Variants in MAMDC4 observed in about 807,000 individuals in gnomAD.
The protein encoded by MAMDC4 is apical endosomal glycoprotein.
MAMDC4 carries 168 observed loss-of-function variants against 153.3 expected under a neutral mutation model. The observed-to-expected ratio is 1.10, with a 90% CI of 0.97 to 1.25. The LOEUF (loss-of-function observed/expected upper bound fraction) is 1.25, where lower values mean the gene tolerates loss of function less well. Ranked by LOEUF, MAMDC4 falls within the 50% of genes most tolerant of loss-of-function variation. The pLI is 0.00. For synonymous variants in MAMDC4, 744 were observed against 651.5 expected (o/e 1.14, Z -2.16); for missense variants, 1,701 against 1,542.8 (o/e 1.10, Z -1.72).
At position 136,852,385 on chromosome 9, in the gene MAMDC4, T is replaced by C. The variant is rs1409135699; in HGVS notation, c.-32T>C. ...ACCGCACGGAACTTCCCAGGCACCC[T>C]GTGTGGCCGCACTGCTCCCTCTGGC... On this transcript the variant is annotated 5_prime_UTR_variant, in exon 1 of 27. Transcript: ENST00000317446. 2 of 1,607,134 alleles carry C rather than the reference T, an allele frequency of 1.2e-6. No individual in the cohort carries two copies. Among genetic ancestry groups the C allele is most frequent in the Admixed American group, 1.7e-5 (1 of 60,028 alleles).
chr9:136,854,245 C>G lies in MAMDC4; in HGVS notation c.705C>G (p.His235Gln), dbSNP rs752643727. 1 of 1,612,014 alleles carries G rather than the reference C, an allele frequency of 6.2e-7. No homozygotes were observed. Among genetic ancestry groups the G allele is most frequent in the East Asian group, 2.2e-5 (1 of 44,876 alleles). Reference sequence around the variant, plus strand: ...CCAACTGTCCCCCGGGACACCACCACTGCCAGAACAAGGTCTGCGTGGAGC... The same window carrying G: ...CCAACTGTCCCCCGGGACACCACCAGTGCCAGAACAAGGTCTGCGTGGAGC... Reference protein sequence around the residue: ...PQANCPPGHHHCQNKVCVEPQ... With the variant: ...PQANCPPGHHQCQNKVCVEPQ... The change falls in exon 7 of 27, where the codon CAC becomes CAG. Residue 235 changes from histidine to glutamine, a missense_variant. Physicochemically the swap from His to Gln is conservative, Grantham distance 24 (BLOSUM62 0). Coordinates refer to ENST00000317446, the MANE Select transcript of MAMDC4 (RefSeq NM_206920.3).
chr9:136,859,396 T>C (rs1336855615), intron 25 of MAMDC4, 79 bp downstream of exon 25: 2 of 1,298,552 alleles, frequency 1.5e-6, no homozygotes, highest in East Asian at 2.4e-5. Flanking sequence ...GGCTTACCAG[T>C]GTGTGGTCCC....
Position 136,855,518 on chromosome 9 carries a change from G to T in MAMDC4, c.1370G>T (p.Cys457Phe). 6.3e-7 allele frequency: 1 copy of T among 1,592,984 alleles called. No individual in the cohort carries two copies. Among genetic ancestry groups the T allele is most frequent in the Non-Finnish European group, 8.5e-7 (1 of 1,170,070 alleles). The change falls in exon 12 of 27, where the codon TGC becomes TTC. Residue 457 changes from cysteine to phenylalanine, a missense_variant. Coordinates refer to ENST00000317446, the MANE Select transcript of MAMDC4 (RefSeq NM_206920.3). ...CCCAGCTCGCGGCTCCAGGATTCCT[G>T]CAAGCAGGGGCATCTTGCCTGCGGG... ...LPPSSRLQDS[C>F]KQGHLACGDL...
intron 10 of MAMDC4, 32 bp downstream of exon 10, chr9:136,855,142 AG>A: frequency 1.9e-6 from 3 of 1,564,556 alleles, no homozygotes; most frequent in Admixed American, 1.9e-5. Flanking sequence ...GGGTCTGGGG[AG>A]CCGCACTGTG....
intron 7 of MAMDC4, 65 bp from the exon 8 acceptor site, chr9:136,854,474 G>A: frequency 6.5e-7 from 1 of 1,546,942 alleles, no homozygotes; most frequent in South Asian, 1.2e-5. Context: ...CCCCCCTGGA[G>A]CTGGGGCCAT....
Position 136,857,773 on chromosome 9 carries a change from AC to A in MAMDC4, c.2443del (p.His815ThrfsTer176). The A allele has an allele frequency of 6.2e-7, 1 of 1,612,492 alleles. No individual in the cohort carries two copies. The highest frequency in any genetic ancestry group is 8.5e-7 in the Non-Finnish European group (1 of 1,179,806). The stretch of plus-strand genomic sequence containing the variant: ...CAGCCTGCTTGTCTGACCTTCTGGT[AC>A]CACGGGAGCCTCCGCAGCCCAGGTG... ...LAQPACLTFW[Y>X]HGSLRSPGTL... On this transcript the variant is annotated frameshift_variant, in exon 19 of 27. Coordinates refer to ENST00000317446, the MANE Select transcript of MAMDC4 (RefSeq NM_206920.3). LOFTEE classifies it high-confidence loss of function.
At position 136,859,874 on chromosome 9, in the gene MAMDC4, T is replaced by A; in HGVS notation, c.3194-12T>A. On this transcript the variant is annotated splice_polypyrimidine_tract_variant and intron_variant, in intron 25 of 26. Coordinates refer to ENST00000317446, the MANE Select transcript of MAMDC4 (RefSeq NM_206920.3). Reference sequence around the variant, plus strand: ...CTGCTTTGGAGGGCTCACATGTCCCTATGGCCCACAGGGAACACAGCCGCA... The same window carrying A: ...CTGCTTTGGAGGGCTCACATGTCCCAATGGCCCACAGGGAACACAGCCGCA... The A allele has an allele frequency of 6.2e-7, 1 of 1,611,130 alleles. No individual in the cohort carries two copies. The highest frequency in any genetic ancestry group is 8.5e-7 in the Non-Finnish European group (1 of 1,179,874).
In MAMDC4 at chr9:136,856,164, C is replaced by G. The variant is rs947233407; in HGVS notation, c.1720+15C>G. 22 of 1,611,728 alleles carry G rather than the reference C, an allele frequency of 1.4e-5. No homozygotes were observed. The highest frequency in any genetic ancestry group is 1.8e-5 in the Non-Finnish European group (21 of 1,179,348). On this transcript the variant is annotated intron_variant, in intron 14 of 26. Coordinates refer to ENST00000317446, the MANE Select transcript of MAMDC4 (RefSeq NM_206920.3). ...CCAGCCCCGAGGTACCGCCACACTCCGCAAGTTCCCTGGCCAGCCCCTGGG... is the reference window on the plus strand; with the variant it reads ...CCAGCCCCGAGGTACCGCCACACTCGGCAAGTTCCCTGGCCAGCCCCTGGG...
Position 136,858,151 on chromosome 9 carries a change from GACCCGCTGAGGCTGCCCTGCCCTGC to G in MAMDC4, c.2584-28_2584-4del, listed in dbSNP as rs750375043. The G allele has an allele frequency of 1.1e-4, 176 of 1,545,916 alleles. No individual in the cohort carries two copies. Among genetic ancestry groups the G allele is most frequent in the Non-Finnish European group, 1.5e-4 (174 of 1,148,552 alleles). On this transcript the variant is annotated splice_polypyrimidine_tract_variant and intron_variant, in intron 20 of 26. Transcript: ENST00000317446. ...CTCCCCCTCCCCCGAGGGCTGCCTG[GACCCGCTGAGGCTGCCCTGCCCTGC>G]ACCCGCCAGGTGGTGTTTGAGGCAG...
rs200179360 is a variant in MAMDC4 at position 136,855,450 on chromosome 9, G to A, written c.1302G>A (p.Pro434=). 2.9e-5 allele frequency: 47 copies of A among 1,608,948 alleles called. No individual in the cohort carries two copies. Among genetic ancestry groups the A allele is most frequent in the African/African-American group, 4.0e-5 (3 of 74,952 alleles). ...CCACAGAGGTGTCCACCCTGCAGCC[G>A]CTGCCTCCTGGGCCCCGGGCCCCAG... is the stretch of plus-strand genomic sequence containing the variant. The part of the protein sequence containing the change: ...RPVSEVSTLQ[P]LPPGPRAPAP... Residue 434 remains proline (P), a synonymous_variant, in exon 12 of 27, where the codon CCG becomes CCA. Coordinates refer to ENST00000317446, the MANE Select transcript of MAMDC4 (RefSeq NM_206920.3).
Position 136,852,385 on chromosome 9 carries a change from T to G in MAMDC4, c.-32T>G. ...ACCGCACGGAACTTCCCAGGCACCC[T>G]GTGTGGCCGCACTGCTCCCTCTGGC... On this transcript the variant is annotated 5_prime_UTR_variant, in exon 1 of 27. Coordinates refer to ENST00000317446, the MANE Select transcript of MAMDC4 (RefSeq NM_206920.3). The G allele has an allele frequency of 3.7e-6, 6 of 1,607,134 alleles. No individual in the cohort carries two copies. Among genetic ancestry groups the G allele is most frequent in the Non-Finnish European group, 5.1e-6 (6 of 1,179,804 alleles).
intron 7 of MAMDC4, 76 bp downstream of exon 7, chr9:136,854,412 AG>A: frequency 6.7e-7 from 1 of 1,493,700 alleles, no homozygotes; most frequent in Non-Finnish European, 9.0e-7. Context: ...CTCATCCAGG[AG>A]GGGGTGCCTT....
chr9:136,860,690 G>GGCTGGGA lies in MAMDC4; in HGVS notation c.*88_*94dup. 1 of 1,430,808 alleles carries GGCTGGGA rather than the reference G, an allele frequency of 7.0e-7. No homozygotes were observed. The highest frequency in any genetic ancestry group is 9.8e-7 in the Non-Finnish European group (1 of 1,020,988). 88.6% of individuals were successfully genotyped at this position (1,430,808 alleles called of 1,614,324 possible). A position where few individuals can be genotyped will look rare whatever the true frequency, so the allele number is the denominator to read the frequency against. On this transcript the variant is annotated 3_prime_UTR_variant, in exon 27 of 27. Transcript: ENST00000317446. ...AGGGACCGGACACCTGCCCCGCCCA[G>GGCTGGGA]GCTGGGACAGGCTGCAGGTCTCAGG...
intron 1 of MAMDC4, among the ~76,000 whole-genome samples, chr9:136,852,750 G>T (rs556460473): frequency 1.5e-4 from 23 of 152,314 alleles, no homozygotes; most frequent in African/African-American, 5.5e-4. Context: ...CCCTTGGACT[G>T]GGTGGAGCTT....
Position 136,859,065 on chromosome 9 carries a change from C to G in MAMDC4, c.3017C>G (p.Ala1006Gly). Residue 1006 changes from alanine (A) to glycine (G), a missense_variant, in exon 24 of 27, where the codon GCA becomes GGA. Physicochemically the swap from Ala to Gly is moderately conservative, Grantham distance 60. Transcript: ENST00000317446. ...SAQGQLAVWG[A>G]GGHRRHQWLE... ...CAGGGCCAGCTGGCTGTGTGGGGCGCAGGCGGGCATCGGCGGCACCAGTGG... is the reference window on the plus strand; with the variant it reads ...CAGGGCCAGCTGGCTGTGTGGGGCGGAGGCGGGCATCGGCGGCACCAGTGG... The G allele has an allele frequency of 6.4e-7, 1 of 1,557,384 alleles. No individual in the cohort carries two copies. The highest frequency in any genetic ancestry group is 1.2e-5 in the South Asian group (1 of 85,148).
Position 136,854,289 on chromosome 9 carries a change from G to A in MAMDC4, c.749G>A (p.Gly250Glu), listed in dbSNP as rs746607301. Residue 250 changes from glycine (G) to glutamate (E), a missense_variant, in exon 7 of 27, where the codon GGG (glycine) becomes GAG (glutamate). Gly to Glu is a moderately conservative substitution (Grantham distance 98). Transcript: ENST00000317446. ...GTGGAGCCCCAGCAGCTGTGCGACG[G>A]GGAAGACAACTGCGGGGACCTGTCT... ...VCVEPQQLCD[G>E]EDNCGDLSDE... 6.2e-7 allele frequency: 1 copy of A among 1,605,374 alleles called. No individual in the cohort carries two copies.
Position 136,859,025 on chromosome 9 carries a change from C to CT in MAMDC4, c.2978dup (p.Leu994AlafsTer39). ...CTCAGACAAGGGGGAGCTGAAGGTA[C>CT]TGCTGCACAGTGCTCAGGGCCAGCT... On this transcript the variant is annotated frameshift_variant, in exon 24 of 27. Transcript: ENST00000317446. LOFTEE classifies it high-confidence loss of function. The CT allele has an allele frequency of 6.5e-7, 1 of 1,547,160 alleles. No homozygotes were observed. The highest frequency in any genetic ancestry group is 8.7e-7 in the Non-Finnish European group (1 of 1,144,858).
In MAMDC4 at chr9:136,856,703, C is replaced by A. The variant is rs749279056; in HGVS notation, c.1721-7C>A. On this transcript the variant is annotated splice_region_variant and splice_polypyrimidine_tract_variant and intron_variant, in intron 14 of 26. Transcript: ENST00000317446. ...AGGTGTGTGACGCCACCTGGCCCCA[C>A]CCCCAGAGGTCTCCTGTAACTTTGA... 4 of 1,612,156 alleles carry A rather than the reference C, an allele frequency of 2.5e-6. No homozygotes were observed. The South Asian group carries it at 4.4e-5, about 18-fold the overall frequency.
chr9:136,859,379 T>C (rs1849054101), intron 25 of MAMDC4, 62 bp downstream of exon 25: 3 of 1,433,998 alleles, frequency 2.1e-6, no homozygotes, highest in East Asian at 4.7e-5. Context: ...TGGCTCGGGG[T>C]TTGCCAGGCT....
Sources: allele counts gnomAD v4.1 joint callset (sites outside exome capture counted in the v4.1 genomes callset), GRCh38; gene constraint gnomAD v4.1.1; transcripts MANE v1.5; gene names NCBI Gene and HGNC (gene_info 2026-07-23, HGNC 2026-07-21).